The following SLC10A7 variants were observed in gnomAD, a reference collection of about 807,000 sequenced individuals.
SLC10A7 encodes solute carrier family 10 member 7.
In SLC10A7, 29 loss-of-function variants were observed where a neutral mutation model predicts 43.2. That is an observed-to-expected ratio of 0.67 (90% confidence interval 0.50 to 0.92). The LOEUF is 0.92. SLC10A7 is among the 40% of genes least tolerant of loss of function. The pLI is 0.00. For synonymous variants in SLC10A7, 152 were observed against 144.8 expected (o/e 1.05, Z -0.35); for missense variants, 295 against 403.2 (o/e 0.73, Z 2.30).
At chr4:146,518,185 C>T (rs1367944839) in intron 1 of SLC10A7, among the ~76,000 whole-genome samples, 1 of 152,068 alleles carries the variant, frequency 6.6e-6, no homozygotes, top group Non-Finnish European at 1.5e-5. Context: ...ACCTAATGTG[C>T]TAACAAAAAA....
chr4:146,258,653 T>C (rs1728025401), intron 11 of SLC10A7, 39 bp downstream of exon 11: 5 of 1,552,892 alleles, frequency 3.2e-6, no homozygotes, highest in Non-Finnish European at 4.3e-6. Flanking sequence ...AGCATTTTAA[T>C]CTAACTTGGA....
chr4:146,271,576 C>T (rs1340416103), intron 10 of SLC10A7, among the ~76,000 whole-genome samples: 1 of 152,118 alleles, frequency 6.6e-6, no homozygotes, highest in Non-Finnish European at 1.5e-5. Context: ...ACAGAACAAC[C>T]ATAGGGATCC....
intron 5 of SLC10A7, among the ~76,000 whole-genome samples, chr4:146,346,709 C>A (rs577781941): frequency 1.1e-4 from 17 of 151,992 alleles, no homozygotes; most frequent in Non-Finnish European, 2.1e-4. Flanking sequence ...TCTATTTTTT[C>A]TATTATCACA....
At chr4:146,420,833 T>C (rs1006397849) in intron 5 of SLC10A7, among the ~76,000 whole-genome samples, 6 of 152,074 alleles carry the variant, frequency 3.9e-5, no homozygotes, top group African/African-American at 1.4e-4. Context: ...AAGACCAGCC[T>C]AGGCAACATA....
chr4:146,416,780 C>G (rs187896909), intron 5 of SLC10A7, among the ~76,000 whole-genome samples: 1 of 152,100 alleles, frequency 6.6e-6, no homozygotes, highest in Non-Finnish European at 1.5e-5. Context: ...TAATCTGGAC[C>G]CTTATTACAT....
chr4:146,430,213 G>A (rs1444403840), intron 5 of SLC10A7, among the ~76,000 whole-genome samples: 2 of 151,988 alleles, frequency 1.3e-5, no homozygotes, highest in African/African-American at 2.4e-5. Flanking sequence ...CTGGATGGGC[G>A]GGGAGAGAGA....
chr4:146,355,360 A>C (rs1328343046), intron 5 of SLC10A7, among the ~76,000 whole-genome samples: 2 of 152,204 alleles, frequency 1.3e-5, no homozygotes, highest in Non-Finnish European at 2.9e-5. Context: ...CACCAGTTAG[A>C]ATGGCAATCA....
chr4:146,338,801 C>T (rs989480503), intron 5 of SLC10A7, among the ~76,000 whole-genome samples: 2 of 151,820 alleles, frequency 1.3e-5, no homozygotes, highest in Non-Finnish European at 2.9e-5. Flanking sequence ...TATTATTTAC[C>T]ATACATATAA....
chr4:146,489,885 G>C (rs1735239582), intron 4 of SLC10A7, among the ~76,000 whole-genome samples: 1 of 151,748 alleles, frequency 6.6e-6, no homozygotes, highest in Non-Finnish European at 1.5e-5. Flanking sequence ...TATCAGTTAA[G>C]CCCAAAGTTT....
At chr4:146,485,153 T>A (rs1734804062) in intron 4 of SLC10A7, among the ~76,000 whole-genome samples, 2 of 152,198 alleles carry the variant, frequency 1.3e-5, no homozygotes, top group South Asian at 4.1e-4. Flanking sequence ...ATCTCCCAGA[T>A]CAAATGGAGA....
chr4:146,350,624 G>A (rs369444243), intron 5 of SLC10A7, among the ~76,000 whole-genome samples: 2 of 130,188 alleles, frequency 1.5e-5, no homozygotes, highest in Non-Finnish European at 3.2e-5. Context: ...GCAGACTTAA[G>A]TGTCCCTGTC....
intron 5 of SLC10A7, among the ~76,000 whole-genome samples, chr4:146,336,329 C>T (rs1733892744): frequency 6.6e-6 from 1 of 152,066 alleles, no homozygotes; most frequent in Admixed American, 6.6e-5. Context: ...TTTTTAATAA[C>T]TTGGCTTTGA....
chr4:146,298,065 A>G (rs1448812080), intron 7 of SLC10A7, among the ~76,000 whole-genome samples: 1 of 152,208 alleles, frequency 6.6e-6, no homozygotes, highest in African/African-American at 2.4e-5. Context: ...GGCTCAGGGT[A>G]CAGACTCTGG....
rs79427567 is a variant in SLC10A7, at chr4:146,316,914, C to T, written c.471+9047G>A. 4.8e-4 allele frequency among the ~76,000 whole-genome samples: 73 copies of T among 152,162 alleles called. No individual in the cohort carries two copies. In the East Asian group the frequency reaches 0.013, roughly 27 times the overall value. On this transcript the variant is annotated intron_variant, in intron 6 of 11. Coordinates refer to ENST00000335472, the MANE Select transcript of SLC10A7 (RefSeq NM_001029998.6). ...AGTGTCAAATGTAACATTTGCTTGG[C>T]TCTTTACAGTTTACAATATGCTTCC...
intron 1 of SLC10A7, among the ~76,000 whole-genome samples, chr4:146,519,770 TAG>T (rs1225630898): frequency 6.6e-6 from 1 of 152,132 alleles, no homozygotes; most frequent in East Asian, 1.9e-4. Flanking sequence ...TACCTTAACC[TAG>T]AGAGAGTCAC....
intron 4 of SLC10A7, among the ~76,000 whole-genome samples, chr4:146,492,060 AC>A (rs1416919707): frequency 6.6e-6 from 1 of 152,046 alleles, no homozygotes. Flanking sequence ...TACTAAAAAT[AC>A]CAAAAAAAAT....
intron 2 of SLC10A7, among the ~76,000 whole-genome samples, chr4:146,511,439 C>T (rs1737454108): frequency 6.6e-6 from 1 of 152,158 alleles, no homozygotes; most frequent in African/African-American, 2.4e-5. Flanking sequence ...TGCAATGGCC[C>T]CTTTGTTCAG....
chr4:146,432,993 A>C (rs545272021), intron 5 of SLC10A7, among the ~76,000 whole-genome samples: 8 of 150,984 alleles, frequency 5.3e-5, no homozygotes, highest in Non-Finnish European at 1.0e-4. Context: ...AGCCGAGATC[A>C]CGCCACTGCA....
At chr4:146,467,298 G>C (rs1214592219) in intron 4 of SLC10A7, among the ~76,000 whole-genome samples, 1 of 151,990 alleles carries the variant, frequency 6.6e-6, no homozygotes, top group African/African-American at 2.4e-5. Context: ...TCCACTGTCA[G>C]TTTCCTGTTA....
Sources: gnomAD v4.1 joint callset for allele counts (sites outside exome capture counted in the v4.1 genomes callset) on GRCh38, gnomAD v4.1.1 for gene constraint, MANE v1.5 for transcripts, NCBI Gene and HGNC (gene_info 2026-07-23, HGNC 2026-07-21) for gene names.